MBP: variants seen among roughly 807,000 people sequenced by gnomAD.
MBP encodes Golli-MBP.
MBP carries 16 observed loss-of-function variants against 35.8 expected under a neutral mutation model. The ratio of observed to expected loss-of-function variants is 0.45; its 90% CI spans 0.30 to 0.68. MBP has a LOEUF of 0.68. Ranked by LOEUF, MBP falls within the 30% of genes least tolerant of loss-of-function variation. The pLI is 0.08. For synonymous variants in MBP, 143 were observed against 159.6 expected (o/e 0.90, Z 0.78); for missense variants, 380 against 404.7 (o/e 0.94, Z 0.52).
intron 3 of MBP, among the ~76,000 whole-genome samples, chr18:77,064,284 C>G (rs189039329): frequency 2.6e-5 from 4 of 152,186 alleles, no homozygotes; most frequent in Non-Finnish European, 5.9e-5. Context: ...CCAGAGTGCA[C>G]GCTGCTGCTC....
At chr18:77,030,512 C>G (rs1197233192) in intron 3 of MBP, among the ~76,000 whole-genome samples, 1 of 152,208 alleles carries the variant, frequency 6.6e-6, no homozygotes, top group Non-Finnish European at 1.5e-5. Context: ...ACAATTTTCT[C>G]TGACAGTGAT....
chr18:77,041,222 A>G (rs1373918396), intron 3 of MBP, among the ~76,000 whole-genome samples: 1 of 152,252 alleles, frequency 6.6e-6, no homozygotes, highest in African/African-American at 2.4e-5. Context: ...TCAAAACCAC[A>G]ATGAGATACC....
At chr18:77,100,226 GAC>G (rs1229005206) in intron 2 of MBP, among the ~76,000 whole-genome samples, 1 of 152,168 alleles carries the variant, frequency 6.6e-6, no homozygotes, top group African/African-American at 2.4e-5. Flanking sequence ...TTAGGACACA[GAC>G]ACACACAGAG....
chr18:77,074,695 A>T (rs1268942372), intron 2 of MBP, among the ~76,000 whole-genome samples: 1 of 152,184 alleles, frequency 6.6e-6, no homozygotes, highest in Non-Finnish European at 1.5e-5. Flanking sequence ...ACCAAAGTCC[A>T]CGATTTCATG....
chr18:76,986,681 T>C, intron 7 of MBP: 2 of 985,522 alleles, frequency 2.0e-6, no homozygotes, highest in South Asian at 9.4e-5. Flanking sequence ...AGGTTCATGC[T>C]CACTCCCTGA....
In MBP at chr18:77,102,196, G is replaced by A. The variant is rs1202982704; in HGVS notation, c.51+3015C>T. 6.6e-6 allele frequency among the ~76,000 whole-genome samples: 1 copy of A among 152,180 alleles called. No homozygotes were observed. Among genetic ancestry groups the A allele is most frequent in the Non-Finnish European group, 1.5e-5 (1 of 68,030 alleles). On this transcript the variant is annotated intron_variant, in intron 2 of 8. Transcript: ENST00000355994. This position sits in a 1 kb window ranked among gnomAD's most constrained non-coding sequence, Gnocchi z 4.4. ...CCCTCAGCAGCCTGGGCCGGGCAGT[G>A]GGGCAGAGGCAGTGTGTGGGGTAGA...
intron 2 of MBP, 103 bp downstream of exon 2, chr18:77,105,108 G>A (rs557674611): frequency 1.1e-6 from 1 of 930,626 alleles, no homozygotes; most frequent in Non-Finnish European, 1.7e-6. Flanking sequence ...TCAGGGAAGA[G>A]TGTAGCAGCA....
chr18:77,069,970 C>T (rs913918153), intron 2 of MBP, among the ~76,000 whole-genome samples: 9 of 152,130 alleles, frequency 5.9e-5, no homozygotes, highest in Non-Finnish European at 1.0e-4. Context: ...AAAGTACATA[C>T]GGGCCTGGGA....
rs373811806 is a variant in MBP at position 76,997,823 on chromosome 18, G to C, written c.577-7763C>G. 6.6e-4 allele frequency among the ~76,000 whole-genome samples: 100 copies of C among 151,392 alleles called. 1 individual carries two copies. The highest frequency in any genetic ancestry group is 1.9e-3 in the African/African-American group (76 of 40,812). Reference sequence around the variant, plus strand: ...TCAACCTCCCGAGTAGCTGGGACTAGAGGCTCCGCCACCACGCCCGGCTGA... The same window carrying C: ...TCAACCTCCCGAGTAGCTGGGACTACAGGCTCCGCCACCACGCCCGGCTGA... On this transcript the variant is annotated intron_variant, in intron 4 of 8. Coordinates refer to ENST00000355994, the MANE Select transcript of MBP (RefSeq NM_001025101.2).
chr18:77,048,930 A>AT (rs1398407774), intron 3 of MBP, among the ~76,000 whole-genome samples: 1 of 148,774 alleles, frequency 6.7e-6, no homozygotes, highest in Non-Finnish European at 1.5e-5. Flanking sequence ...AATTTTATTT[A>AT]TTTTTTTGAT....
chr18:77,040,495 A>G (rs979813856), intron 3 of MBP, among the ~76,000 whole-genome samples: 1 of 152,216 alleles, frequency 6.6e-6, no homozygotes, highest in Non-Finnish European at 1.5e-5. Context: ...CCAAAAGAAC[A>G]AAGCTGGAGG....
chr18:77,133,028 G>A (rs1268712140), upstream of MBP, among the ~76,000 whole-genome samples: 1 of 152,124 alleles, frequency 6.6e-6, no homozygotes, highest in Non-Finnish European at 1.5e-5. Context: ...CTCGCCCGCT[G>A]CCGAACTGGG....
chr18:76,979,670 CT>C lies in MBP; in HGVS notation c.*756del. 2.2e-6 allele frequency: 1 copy of C among 462,830 alleles called. No homozygotes were observed. Among genetic ancestry groups the C allele is most frequent in the Non-Finnish European group, 3.9e-6 (1 of 256,556 alleles). The allele number at this position is 462,830 out of a possible 1,614,324, so 28.7% of individuals were successfully genotyped here. A position where few individuals can be genotyped will look rare whatever the true frequency, so the allele number is the denominator to read the frequency against. Reference sequence around the variant, plus strand: ...CGTCCAGAGGCCACCTGCTTGACATCTCCATCACCAAATCTCCAGGAAGACC... The same window carrying C: ...CGTCCAGAGGCCACCTGCTTGACATCCCATCACCAAATCTCCAGGAAGACC... On this transcript the variant is annotated 3_prime_UTR_variant, in exon 9 of 9. Coordinates refer to ENST00000355994, the MANE Select transcript of MBP (RefSeq NM_001025101.2).
intron 3 of MBP, among the ~76,000 whole-genome samples, chr18:77,056,040 C>A (rs997003593): frequency 2.0e-5 from 3 of 152,248 alleles, no homozygotes. Context: ...GCTCCACTGA[C>A]CGTGTGGATG....
intron 4 of MBP, among the ~76,000 whole-genome samples, chr18:76,993,760 C>T (rs1312319068): frequency 6.6e-6 from 1 of 152,178 alleles, no homozygotes; most frequent in Non-Finnish European, 1.5e-5. Flanking sequence ...CTGTGGCCGG[C>T]GCTTCATGGC....
In MBP at chr18:77,036,389, G is replaced by T. The variant is rs1161577086; in HGVS notation, c.140-19121C>A. On this transcript the variant is annotated intron_variant, in intron 3 of 8. Coordinates refer to ENST00000355994, the MANE Select transcript of MBP (RefSeq NM_001025101.2). Reference sequence around the variant, plus strand: ...ATTTTGGAGACAGAACTGAGCAAGTGCTGCTCACGTTTCAGAGGACTGAGC... The same window carrying T: ...ATTTTGGAGACAGAACTGAGCAAGTTCTGCTCACGTTTCAGAGGACTGAGC... 2.8e-5 allele frequency among the ~76,000 whole-genome samples: 4 copies of T among 142,354 alleles called. 2 individuals are homozygous for T. The highest frequency in any genetic ancestry group is 1.1e-4 in the African/African-American group (4 of 35,032). 93.4% of individuals were successfully genotyped at this position (142,354 alleles called of 152,430 possible). A position where few individuals can be genotyped will look rare whatever the true frequency, so the allele number is the denominator to read the frequency against.
At position 77,013,703 on chromosome 18, in the gene MBP, G is replaced by A. The variant is rs568651790; in HGVS notation, c.576+3129C>T. On this transcript the variant is annotated intron_variant, in intron 4 of 8. Coordinates refer to ENST00000355994, the MANE Select transcript of MBP (RefSeq NM_001025101.2). ...AAACAGAAAAATAGACAAAATCATC[G>A]GTAAGAAGCTAGCTTTCGAAAACCT... is the stretch of plus-strand genomic sequence containing the variant. 509 of 985,274 alleles carry A rather than the reference G, an allele frequency of 5.2e-4. 1 individual carries two copies. The highest frequency in any genetic ancestry group is 5.9e-4 in the Non-Finnish European group (489 of 829,926). 61.0% of individuals were successfully genotyped at this position (985,274 alleles called of 1,614,324 possible). A position where few individuals can be genotyped will look rare whatever the true frequency, so the allele number is the denominator to read the frequency against.
At chr18:77,016,349 C>A in intron 4 of MBP, 1 of 989,022 alleles carries the variant, frequency 1.0e-6, no homozygotes, top group East Asian at 1.1e-4. Flanking sequence ...GGAGTTTGTT[C>A]AAAAGTCTTC....
intron 3 of MBP, among the ~76,000 whole-genome samples, chr18:77,062,997 C>G (rs879943231): frequency 6.6e-6 from 1 of 152,166 alleles, no homozygotes; most frequent in Non-Finnish European, 1.5e-5. Context: ...GACCATCACA[C>G]GATCACGGTG....
Sources: allele counts gnomAD v4.1 joint callset (sites outside exome capture counted in the v4.1 genomes callset), GRCh38; gene constraint gnomAD v4.1.1; non-coding constraint Gnocchi (gnomAD v3.1); transcripts MANE v1.5; gene names NCBI Gene and HGNC (gene_info 2026-07-23, HGNC 2026-07-21).